The following STARD13 variants were observed in gnomAD, a reference collection of about 807,000 sequenced individuals.
STARD13 encodes StAR related lipid transfer domain containing 13.
A neutral mutation model predicts 106.4 loss-of-function variants in STARD13; 62 were observed. The ratio of observed to expected loss-of-function variants is 0.58; its 90% CI spans 0.48 to 0.72. The LOEUF is 0.72. STARD13 is among the 30% of genes least tolerant of loss of function. The probability of loss-of-function intolerance (pLI) is 0.00; values close to 1 mark genes in which losing one functional copy is unlikely to be tolerated. For synonymous variants in STARD13, 565 were observed against 553.0 expected (o/e 1.02, Z -0.31); for missense variants, 1,387 against 1,424.0 (o/e 0.97, Z 0.42).
chr13:33,499,516 T>C, the STARD13 span, among the ~76,000 whole-genome samples: 2 of 95,272 alleles, frequency 2.1e-5, no homozygotes, highest in South Asian at 3.6e-4. Flanking sequence ...TTCTTCTTCT[T>C]TCTTTCTTCT....
chr13:33,126,299 T>C, intron 6 of STARD13, 59 bp from the exon 7 acceptor site: 1 of 1,566,930 alleles, frequency 6.4e-7, no homozygotes. Flanking sequence ...GGGGTGAGGC[T>C]CTGGAAGCAA....
the STARD13 span, among the ~76,000 whole-genome samples, chr13:33,621,351 T>C: frequency 6.6e-6 from 1 of 152,090 alleles, no homozygotes; most frequent in African/African-American, 2.4e-5. Flanking sequence ...AACAAACTCT[T>C]TGAAAAACTC....
chr13:33,384,050 A>AATCT, the STARD13 span, among the ~76,000 whole-genome samples: 2 of 152,154 alleles, frequency 1.3e-5, no homozygotes, highest in Admixed American at 1.3e-4. Context: ...GGTTCTATTT[A>AATCT]ATGTGTCACC....
At chr13:33,409,875 G>C in the STARD13 span, among the ~76,000 whole-genome samples, 100 of 152,314 alleles carry the variant, frequency 6.6e-4, no homozygotes, top group East Asian at 0.019. Context: ...AGACACTGTG[G>C]TATTTCAACT....
the STARD13 span, among the ~76,000 whole-genome samples, chr13:33,638,849 AT>A: frequency 6.6e-6 from 1 of 151,934 alleles, no homozygotes. Context: ...TTGGTTTATA[AT>A]TTTTTTGTTC....
chr13:33,584,720 G>A, the STARD13 span, among the ~76,000 whole-genome samples: 1 of 152,068 alleles, frequency 6.6e-6, no homozygotes, highest in Non-Finnish European at 1.5e-5. Flanking sequence ...CCTTAAGACT[G>A]TCCCTGTTCC....
the STARD13 span, among the ~76,000 whole-genome samples, chr13:33,455,991 A>T: frequency 6.6e-6 from 1 of 152,134 alleles, no homozygotes; most frequent in Non-Finnish European, 1.5e-5. Context: ...AATAAATAAC[A>T]ACGAATAATA....
chr13:33,170,486 A>G (rs1168393629), intron 1 of STARD13, among the ~76,000 whole-genome samples: 1 of 152,226 alleles, frequency 6.6e-6, no homozygotes, highest in Admixed American at 6.5e-5. Context: ...ATTCAGATAC[A>G]TACATGAATA....
chr13:33,432,374 T>C, the STARD13 span, among the ~76,000 whole-genome samples: 40 of 152,304 alleles, frequency 2.6e-4, no homozygotes, highest in Admixed American at 9.8e-4. Flanking sequence ...AGTGATTTTT[T>C]TTAACATCTG....
the STARD13 span, among the ~76,000 whole-genome samples, chr13:33,431,986 G>A: frequency 7.2e-5 from 11 of 152,282 alleles, no homozygotes; most frequent in South Asian, 1.2e-3. Context: ...CCTCTGATCC[G>A]GCCCGGTGAA....
intron 1 of STARD13, chr13:33,277,862 T>C (rs367763984): frequency 6.6e-6 from 1 of 152,174 alleles, no homozygotes; most frequent in East Asian, 1.9e-4. Context: ...ATAGAATCTT[T>C]GTGTGGTTGT....
At chr13:33,397,435 G>A in the STARD13 span, among the ~76,000 whole-genome samples, 1 of 152,150 alleles carries the variant, frequency 6.6e-6, no homozygotes, top group East Asian at 1.9e-4. Flanking sequence ...CAGTGCAGAT[G>A]TCAATACTGT....
the STARD13 span, among the ~76,000 whole-genome samples, chr13:33,373,397 C>T: frequency 3.3e-4 from 50 of 152,198 alleles, no homozygotes; most frequent in East Asian, 1.2e-3. Flanking sequence ...AACTAAGCAT[C>T]GTTTAACAAC....
intron 1 of STARD13, among the ~76,000 whole-genome samples, chr13:33,316,292 C>G (rs9537142): frequency 0.9 from 137,634 of 152,196 alleles, 63,835 homozygotes; most frequent in East Asian, 1. Context: ...ATTCAGCCTT[C>G]AAAACACAGA....
At chr13:33,190,753 A>T (rs1459501288) in intron 1 of STARD13, among the ~76,000 whole-genome samples, 1 of 151,936 alleles carries the variant, frequency 6.6e-6, no homozygotes, top group Non-Finnish European at 1.5e-5. Flanking sequence ...CGCCTGGCTA[A>T]TTTTTGTATT....
At chr13:33,319,237 C>T (rs1048996454) in intron 1 of STARD13, among the ~76,000 whole-genome samples, 1 of 152,126 alleles carries the variant, frequency 6.6e-6, no homozygotes, top group African/African-American at 2.4e-5. Flanking sequence ...AGTACTGATG[C>T]ATGTTACAAT....
chr13:33,105,442 T>G lies in STARD13; in HGVS notation c.*151A>C. 1 of 595,070 alleles carries G rather than the reference T, an allele frequency of 1.7e-6. No homozygotes were observed. Among genetic ancestry groups the G allele is most frequent in the Non-Finnish European group, 3.0e-6 (1 of 331,724 alleles). The allele number at this position is 595,070 out of a possible 1,614,324, so 36.9% of individuals were successfully genotyped here. On this transcript the variant is annotated 3_prime_UTR_variant, in exon 14 of 14. Coordinates refer to ENST00000336934, the MANE Select transcript of STARD13 (RefSeq NM_178006.4). ...GAAAGTTCTTGGAAATTCTTGCATC[T>G]CCAACATTCCAACTTCTTAACGTTT...
chr13:33,527,451 A>G, the STARD13 span, among the ~76,000 whole-genome samples: 1 of 152,110 alleles, frequency 6.6e-6, no homozygotes, highest in African/African-American at 2.4e-5. Flanking sequence ...ACAATTGAGC[A>G]ATAAAAGGAA....
the STARD13 span, among the ~76,000 whole-genome samples, chr13:33,607,075 G>A: frequency 6.0e-5 from 9 of 151,204 alleles, no homozygotes; most frequent in African/African-American, 2.2e-4. Flanking sequence ...GGATTACAAA[G>A]TGGATACTTG....
Sources: gnomAD v4.1 joint callset for allele counts (sites outside exome capture counted in the v4.1 genomes callset) on GRCh38, gnomAD v4.1.1 for gene constraint, MANE v1.5 for transcripts, NCBI Gene and HGNC (gene_info 2026-07-23, HGNC 2026-07-21) for gene names.